Variants in ART3 observed in about 807,000 individuals in gnomAD.
ART3 encodes the protein ADP-ribosyltransferase 3 (inactive).
Under a neutral mutation model 48.5 loss-of-function variants are expected in ART3, and 49 were observed. That is an observed-to-expected ratio of 1.01 (90% CI 0.80 to 1.28). The LOEUF (loss-of-function observed/expected upper bound fraction) is 1.28, where lower values mean the gene tolerates loss of function less well. Ranked by LOEUF, ART3 falls within the 50% of genes most tolerant of loss-of-function variation. The pLI, the probability that ART3 is intolerant of heterozygous loss-of-function variation, is 0.00. For missense variants in ART3, 438 were observed against 454.3 expected (o/e 0.96, Z 0.33); for synonymous variants, 145 against 157.2 (o/e 0.92, Z 0.58).
chr4:76,100,981 G>A lies in ART3; in HGVS notation c.908-9G>A. ...TGTTAAAACTGATAAGCTTCTTTTT[G>A]TAACTCAGGTGAGAAAAACCAGAAG... On this transcript the variant is annotated splice_polypyrimidine_tract_variant and intron_variant, in intron 7 of 11. Coordinates refer to ENST00000355810, the MANE Select transcript of ART3 (RefSeq NM_001130016.3). 6.2e-7 allele frequency: 1 copy of A among 1,612,692 alleles called. No individual in the cohort carries two copies. The highest frequency in any genetic ancestry group is 8.5e-7 in the Non-Finnish European group (1 of 1,179,630).
chr4:76,025,387 T>C (rs1733284168), intron 1 of ART3, among the ~76,000 whole-genome samples: 2 of 152,292 alleles, frequency 1.3e-5, no homozygotes, highest in Admixed American at 1.3e-4. Context: ...AGCTAAAATG[T>C]CTCTATATAG....
chr4:76,061,950 A>C (rs1049213740), intron 1 of ART3, among the ~76,000 whole-genome samples: 1 of 152,192 alleles, frequency 6.6e-6, no homozygotes, highest in East Asian at 1.9e-4. Context: ...CCCTTTCCCT[A>C]AAGGACAATT....
At chr4:76,042,757 G>T (rs1345711906) in intron 1 of ART3, among the ~76,000 whole-genome samples, 1 of 152,100 alleles carries the variant, frequency 6.6e-6, no homozygotes, top group Non-Finnish European at 1.5e-5. Context: ...AAGCAGTGTG[G>T]ACCCAAAGAG....
rs10644249 is a variant in ART3, at chr4:76,052,714, C to CTTTTT, written c.-9-23167_-9-23166insTTTTT. The stretch of plus-strand genomic sequence containing the variant: ...CATGCGTGTACCCAATTTCTTTTTT[C>CTTTTT]CTTCTTTTTTTTTTTTTTAAGACAG... On this transcript the variant is annotated intron_variant, in intron 1 of 9. Coordinates refer to the ART3 transcript ENST00000341029. Among the ~76,000 whole-genome samples the CTTTTT allele has an allele frequency of 2.4e-3, 347 of 142,608 alleles. 17 individuals carry two copies. Among genetic ancestry groups the CTTTTT allele is most frequent in the East Asian group, 0.014 (60 of 4,350 alleles). The allele number at this position is 142,608 out of a possible 152,430, so 93.6% of individuals were successfully genotyped here.
intron 1 of ART3, chr4:76,022,321 C>T: frequency 6.7e-7 from 1 of 1,495,510 alleles, no homozygotes; most frequent in Non-Finnish European, 9.3e-7. Flanking sequence ...CCCAAGATTG[C>T]CGTTTCCTAA....
At chr4:76,015,830 T>C (rs530634796) in intron 1 of ART3, among the ~76,000 whole-genome samples, 2 of 152,180 alleles carry the variant, frequency 1.3e-5, no homozygotes, top group Non-Finnish European at 2.9e-5. Context: ...GTTTTTGCCA[T>C]GTTGGTCAGT....
In ART3 at chr4:76,087,574, A is replaced by T. The variant is rs139506344; in HGVS notation, c.781+5039A>T. Among the ~76,000 whole-genome samples, 1,062 of 152,268 alleles carry T rather than the reference A, an allele frequency of 7.0e-3. 5 individuals carry two copies. Among genetic ancestry groups the T allele is most frequent in the Non-Finnish European group, 0.011 (728 of 68,014 alleles). ...AATGTTTCTAAAAGGGGTAAAAAAAATTTTTACTGCGTTACGTTTAGTGTG... is the reference window on the plus strand; with the variant it reads ...AATGTTTCTAAAAGGGGTAAAAAAATTTTTTACTGCGTTACGTTTAGTGTG... On this transcript the variant is annotated intron_variant, in intron 3 of 11. Coordinates refer to ENST00000355810, the MANE Select transcript of ART3 (RefSeq NM_001130016.3).
rs760376158 is a variant in ART3, at chr4:76,103,934, T to C, written c.938-3T>C. ...ACAAACCAATATTTATTTCTGCCTT[T>C]AGGTGTGAAAATCCTTGAACCCACC... On this transcript the variant is annotated splice_region_variant and splice_polypyrimidine_tract_variant and intron_variant, in intron 8 of 11. Transcript: ENST00000355810. The C allele has an allele frequency of 6.2e-7, 1 of 1,613,120 alleles. No homozygotes were observed. The highest frequency in any genetic ancestry group is 2.2e-5 in the East Asian group (1 of 44,876).
In ART3 at chr4:76,081,867, A is replaced by G. The variant is rs1184634112; in HGVS notation, c.113A>G (p.Asp38Gly). The change falls in exon 3 of 12, where the codon GAT becomes GGT. Residue 38 changes from aspartate (D) to glycine (G), a missense_variant. Asp to Gly is a moderately conservative substitution (Grantham distance 94). Around this residue, in one of 3 missense-constraint regions of ART3, gnomAD observed 206 missense variants for 205.3 expected, o/e 1.00. Transcript: ENST00000355810. Reference sequence around the variant, plus strand: ...GACATGGCAGATAATGCATTTGATGATGAATACCTGAAATGTACGGACAGG... The same window carrying G: ...GACATGGCAGATAATGCATTTGATGGTGAATACCTGAAATGTACGGACAGG... Reference protein sequence around the residue: ...VLDMADNAFDDEYLKCTDRME... With the variant: ...VLDMADNAFDGEYLKCTDRME... 2 of 1,614,174 alleles carry G rather than the reference A, an allele frequency of 1.2e-6. No individual in the cohort carries two copies. The highest frequency in any genetic ancestry group is 3.3e-5 in the Admixed American group (2 of 60,020).
At chr4:76,019,045 G>GAA (rs72190608) in intron 1 of ART3, among the ~76,000 whole-genome samples, 5 of 87,492 alleles carry the variant, frequency 5.7e-5, no homozygotes, top group Admixed American at 3.9e-4. Context: ...CCATCTCAAG[G>GAA]AAAAAAAAAA....
rs377189872 is a variant in ART3, at chr4:76,035,319, G to A, written c.-10+23999G>A. On this transcript the variant is annotated intron_variant, in intron 1 of 9. Coordinates refer to the ART3 transcript ENST00000341029. ...ACCCCAGGGCCTATGCAAAGACAGC[G>A]TCCTCTTTTGAACATGGGGAAGCCT... 19 of 1,613,968 alleles carry A rather than the reference G, an allele frequency of 1.2e-5. No individual in the cohort carries two copies. Among genetic ancestry groups the A allele is most frequent in the African/African-American group, 1.1e-4 (8 of 75,020 alleles).
chr4:76,040,444 A>ACACACG (rs1553926430), intron 1 of ART3, among the ~76,000 whole-genome samples: 28 of 128,928 alleles, frequency 2.2e-4, no homozygotes, highest in African/African-American at 7.6e-4. Context: ...GGATACACAC[A>ACACACG]CACACACACA....
chr4:76,023,451 C>A (rs377480085), intron 1 of ART3: 21 of 1,610,922 alleles, frequency 1.3e-5, no homozygotes, highest in Non-Finnish European at 1.8e-5. Flanking sequence ...ACTGGAGGTT[C>A]CTCTGCTGTA....
At chr4:76,090,442 G>A (rs888104766) in intron 3 of ART3, among the ~76,000 whole-genome samples, 1 of 152,194 alleles carries the variant, frequency 6.6e-6, no homozygotes, top group Non-Finnish European at 1.5e-5. Flanking sequence ...AAATTCTGAC[G>A]TAGCCTTGTT....
intron 1 of ART3, among the ~76,000 whole-genome samples, chr4:76,042,723 C>T (rs911181591): frequency 2.6e-4 from 39 of 151,594 alleles, no homozygotes; most frequent in African/African-American, 7.5e-4. Flanking sequence ...TGCAGACTTT[C>T]GCGGTGAGTG....
chr4:76,049,516 C>T lies in ART3; in HGVS notation c.-9-26365C>T, dbSNP rs190871623. Among the ~76,000 whole-genome samples the T allele has an allele frequency of 5.0e-3, 761 of 152,016 alleles. 6 individuals carry two copies. The highest frequency in any genetic ancestry group is 0.018 in the African/African-American group (740 of 41,516). On this transcript the variant is annotated intron_variant, in intron 1 of 9. Transcript: ENST00000341029. ...AGCTGGTTCTAGGCAAACCAACGGT[C>T]CCAACTCCAAAGAGTCAGGGGTTGT...
intron 8 of ART3, among the ~76,000 whole-genome samples, chr4:76,101,631 A>G (rs1250689218): frequency 6.6e-6 from 1 of 152,164 alleles, no homozygotes; most frequent in Non-Finnish European, 1.5e-5. Context: ...ACACGCCTGT[A>G]GTCTCAGCTA....
intron 1 of ART3, among the ~76,000 whole-genome samples, chr4:76,039,034 A>G (rs1284006407): frequency 1.3e-5 from 2 of 151,612 alleles, no homozygotes; most frequent in African/African-American, 4.8e-5. Flanking sequence ...ACATTCAGTT[A>G]TTTATGAACA....
At chr4:76,097,844 G>A (rs1432095867) in intron 4 of ART3, among the ~76,000 whole-genome samples, 168 bp downstream of exon 4, 1 of 152,122 alleles carries the variant, frequency 6.6e-6, no homozygotes, top group Non-Finnish European at 1.5e-5. Flanking sequence ...GAGAGCCTAG[G>A]AGCCTTTGCT....
Sources: gnomAD v4.1 joint callset for allele counts (sites outside exome capture counted in the v4.1 genomes callset) on GRCh38, gnomAD v4.1.1 for gene constraint, gnomAD v4.1.1 regional missense constraint, MANE v1.5 for transcripts, NCBI Gene and HGNC (gene_info 2026-07-23, HGNC 2026-07-21) for gene names.